Variants in RIMOC1 observed in about 807,000 individuals in gnomAD.
The protein encoded by RIMOC1 is RAB7A-interacting MON1-CCZ1 complex subunit 1.
chr5:41,917,888 C>G, the RIMOC1 span: 2 of 807,666 alleles, frequency 2.5e-6, no homozygotes, highest in Admixed American at 1.2e-4. Context: ...TTCTACTTCC[C>G]TTAGGCATTT....
the RIMOC1 span, among the ~76,000 whole-genome samples, chr5:41,913,168 C>T: frequency 0.012 from 1,853 of 152,298 alleles, 41 homozygotes; most frequent in African/African-American, 0.043. Context: ...GAATTTCAGC[C>T]AAGTCTGTTC....
chr5:41,908,923 A>G, the RIMOC1 span, among the ~76,000 whole-genome samples: 1 of 152,162 alleles, frequency 6.6e-6, no homozygotes, highest in East Asian at 1.9e-4. Context: ...GCACGATAAC[A>G]TTTACTCCTC....
the RIMOC1 span, among the ~76,000 whole-genome samples, chr5:41,906,602 C>T: frequency 6.0e-4 from 91 of 152,296 alleles, 2 homozygotes; most frequent in Admixed American, 4.6e-3. Flanking sequence ...GTGGATGTCA[C>T]TTCTGGGCTA....
the RIMOC1 span, among the ~76,000 whole-genome samples, chr5:41,906,923 CAG>C: frequency 3.6e-4 from 55 of 152,242 alleles, no homozygotes; most frequent in Non-Finnish European, 6.8e-4. Context: ...GAGGTAAACT[CAG>C]AGAGTTTAGT....
chr5:41,909,852 A>C, the RIMOC1 span: 1 of 1,584,652 alleles, frequency 6.3e-7, no homozygotes, highest in Non-Finnish European at 8.6e-7. Context: ...TTTCTTTCAG[A>C]ACCAGAAATT....
the RIMOC1 span, chr5:41,916,367 T>C: frequency 3.4e-6 from 3 of 872,670 alleles, no homozygotes; most frequent in South Asian, 5.3e-5. Context: ...AATTATATAA[T>C]TGCCTACTGG....
chr5:41,904,427 G>GGCCCAC, the RIMOC1 span: 1 of 1,614,166 alleles, frequency 6.2e-7, no homozygotes, highest in South Asian at 1.1e-5. Flanking sequence ...ATCTGGCTCA[G>GGCCCAC]GCCCACATAC....
chr5:41,911,841 CT>C, the RIMOC1 span, among the ~76,000 whole-genome samples: 5 of 150,760 alleles, frequency 3.3e-5, no homozygotes, highest in South Asian at 2.1e-4. Flanking sequence ...TTAATGTCTT[CT>C]TTTTTTTTAG....
At chr5:41,911,204 T>C in the RIMOC1 span, 1 of 1,583,808 alleles carries the variant, frequency 6.3e-7, no homozygotes, top group Admixed American at 1.9e-5. Flanking sequence ...CTTACACATT[T>C]TTCATTGTTG....
At chr5:41,910,997 T>C in the RIMOC1 span, 1 of 1,581,940 alleles carries the variant, frequency 6.3e-7, no homozygotes, top group African/African-American at 1.4e-5. Context: ...CTTCAACTTT[T>C]ATAGACATCC....
the RIMOC1 span, chr5:41,907,746 A>C: frequency 6.2e-7 from 1 of 1,601,024 alleles, no homozygotes; most frequent in Non-Finnish European, 8.5e-7. Flanking sequence ...ATCACTTTTT[A>C]ATTCGGGCCT....
At chr5:41,910,562 A>AT in the RIMOC1 span, among the ~76,000 whole-genome samples, 1 of 151,608 alleles carries the variant, frequency 6.6e-6, no homozygotes, top group Non-Finnish European at 1.5e-5. Context: ...ACTTAGATAT[A>AT]TTTTTTTTCT....
At chr5:41,909,785 G>A in the RIMOC1 span, 49 of 1,581,984 alleles carry the variant, frequency 3.1e-5, no homozygotes, top group Non-Finnish European at 4.1e-5. Flanking sequence ...GAACAAGCTA[G>A]TAGATGAAGA....
the RIMOC1 span, chr5:41,907,963 C>G: frequency 1.6e-6 from 1 of 635,988 alleles, no homozygotes. Context: ...TTAATTTTGT[C>G]CAAAAAACTA....
the RIMOC1 span, among the ~76,000 whole-genome samples, chr5:41,914,392 G>A: frequency 1.3e-5 from 2 of 151,936 alleles, no homozygotes; most frequent in Admixed American, 1.3e-4. Flanking sequence ...AGGAGGCGGA[G>A]GTTGCAGTGA....
the RIMOC1 span, chr5:41,912,115 G>A: frequency 1.7e-5 from 27 of 1,611,886 alleles, no homozygotes; most frequent in Admixed American, 2.5e-4. Context: ...CTAAATTATC[G>A]ATGTCCTATC....
chr5:41,917,374 G>C, the RIMOC1 span: 1 of 1,478,186 alleles, frequency 6.8e-7, no homozygotes, highest in East Asian at 2.4e-5. Flanking sequence ...CAAAAAAGAA[G>C]ACCTGTTGAT....
chr5:41,909,782 C>A, the RIMOC1 span: 8,433 of 1,574,886 alleles, frequency 5.4e-3, 34 homozygotes, highest in Middle Eastern at 0.013. Context: ...GGAGAACAAG[C>A]TAGTAGATGA....
chr5:41,907,784 T>C, the RIMOC1 span: 8 of 1,609,918 alleles, frequency 5.0e-6, no homozygotes, highest in Admixed American at 1.7e-5. Flanking sequence ...TTGAAACTCC[T>C]GTGTGGAGAA....
Sources: allele counts gnomAD v4.1 joint callset (sites outside exome capture counted in the v4.1 genomes callset), GRCh38; gene constraint gnomAD v4.1.1; transcripts MANE v1.5; gene names NCBI Gene and HGNC (gene_info 2026-07-23, HGNC 2026-07-21).